PVT1: variants seen among roughly 807,000 people sequenced by gnomAD.
PVT1 encodes the protein CXCR4/PVT1 fusion.
intron 4 of PVT1, among the ~76,000 whole-genome samples, chr8:128,056,447 A>G (rs745911819): frequency 1.5e-4 from 23 of 152,240 alleles, no homozygotes; most frequent in Non-Finnish European, 3.2e-4. Flanking sequence ...GCGTGTATAC[A>G]TAAAATTGCA....
intron 3 of PVT1, among the ~76,000 whole-genome samples, chr8:127,957,834 G>T (rs536173917): frequency 4.1e-4 from 63 of 152,368 alleles, no homozygotes; most frequent in Admixed American, 1.1e-3. Flanking sequence ...ACAGGCATGC[G>T]CATGGCGGGG....
At chr8:128,025,224 G>A (rs528987467) in intron 4 of PVT1, among the ~76,000 whole-genome samples, 20 of 152,310 alleles carry the variant, frequency 1.3e-4, no homozygotes, top group African/African-American at 4.8e-4. Flanking sequence ...TCGGGGTACG[G>A]AAGCAGGATG....
chr8:127,845,981 C>T (rs1200036564), intron 2 of PVT1, among the ~76,000 whole-genome samples: 1 of 152,194 alleles, frequency 6.6e-6, no homozygotes, highest in Non-Finnish European at 1.5e-5. Context: ...TAGCGGGGTC[C>T]CAGGAAGGCT....
At chr8:127,805,452 A>G (rs555789705) in intron 2 of PVT1, among the ~76,000 whole-genome samples, 1 of 152,062 alleles carries the variant, frequency 6.6e-6, no homozygotes, top group South Asian at 2.1e-4. Context: ...GTGGTTCATG[A>G]GATTTGCACA....
At chr8:127,927,676 A>C (rs1816147269) in intron 3 of PVT1, among the ~76,000 whole-genome samples, 1 of 152,126 alleles carries the variant, frequency 6.6e-6, no homozygotes, top group Non-Finnish European at 1.5e-5. Flanking sequence ...GATTCTGGCC[A>C]TACCCCCTCC....
At chr8:128,076,157 A>G (rs547281991) in intron 5 of PVT1, among the ~76,000 whole-genome samples, 1 of 152,246 alleles carries the variant, frequency 6.6e-6, no homozygotes, top group South Asian at 2.1e-4. Flanking sequence ...TGCTCTGCCC[A>G]CAGCCAGCTG....
chr8:127,924,937 G>A (rs998430624), intron 3 of PVT1, among the ~76,000 whole-genome samples: 5 of 152,046 alleles, frequency 3.3e-5, no homozygotes, highest in South Asian at 2.1e-4. Flanking sequence ...CAGGAGCCAC[G>A]GTGCTCGGCC....
intron 2 of PVT1, among the ~76,000 whole-genome samples, chr8:127,858,444 A>G (rs1306726261): frequency 6.6e-6 from 1 of 151,466 alleles, no homozygotes; most frequent in African/African-American, 2.4e-5. Context: ...ATAAATAAAT[A>G]AATAAAAGAT....
chr8:127,804,399 G>A (rs1350967094), intron 2 of PVT1, among the ~76,000 whole-genome samples: 2 of 151,782 alleles, frequency 1.3e-5, no homozygotes, highest in African/African-American at 4.8e-5. Context: ...TTTAACTCCC[G>A]GCTTCAAGTG....
At chr8:128,079,843 G>C (rs1814151526) in intron 5 of PVT1, among the ~76,000 whole-genome samples, 1 of 152,022 alleles carries the variant, frequency 6.6e-6, no homozygotes. Context: ...TTCTGCCTCA[G>C]CCTCCCGAGT....
At chr8:127,805,145 G>T (rs1563609990) in intron 2 of PVT1, among the ~76,000 whole-genome samples, 1 of 151,534 alleles carries the variant, frequency 6.6e-6, no homozygotes, top group Non-Finnish European at 1.5e-5. Context: ...GGTCAGGCTG[G>T]TCTCGAACTC....
intron 2 of PVT1, among the ~76,000 whole-genome samples, chr8:127,853,086 T>C (rs1586407349): frequency 1.3e-5 from 2 of 152,228 alleles, no homozygotes; most frequent in African/African-American, 4.8e-5. Context: ...CAGCTGTGGG[T>C]GGAGCCTTGA....
At position 128,078,909 on chromosome 8, in the gene PVT1, C is replaced by T. The variant is rs143657750; in HGVS notation, n.1114+8548C>T. On this transcript the variant is annotated intron_variant and non_coding_transcript_variant, in intron 5 of 10. Coordinates refer to ENST00000651587, the Ensembl canonical transcript of PVT1. Reference sequence around the variant, plus strand: ...CAAGCAATTCTCCCACCTCAGCACCCCCCGAGTAGCTGGGACTATAGGCAC... The same window carrying T: ...CAAGCAATTCTCCCACCTCAGCACCTCCCGAGTAGCTGGGACTATAGGCAC... Among the ~76,000 whole-genome samples, 323 of 152,192 alleles carry T rather than the reference C, an allele frequency of 2.1e-3. 3 individuals carry two copies. The highest frequency in any genetic ancestry group is 7.4e-3 in the African/African-American group (308 of 41,528).
intron 3 of PVT1, among the ~76,000 whole-genome samples, chr8:127,976,505 C>T (rs112857684): frequency 0.015 from 2,358 of 152,260 alleles, 73 homozygotes; most frequent in African/African-American, 0.054. Flanking sequence ...GCTGAACCTC[C>T]CATCTCCACC....
chr8:127,997,041 T>C lies in PVT1; in HGVS notation n.912+7750T>C, dbSNP rs559835530. ...CTGGAACATTCACTGGTCATTTGCT[T>C]TCGTTTTTTTTTTTTGTTTGTTTGT... On this transcript the variant is annotated intron_variant and non_coding_transcript_variant, in intron 4 of 10. Transcript: ENST00000651587. Among the ~76,000 whole-genome samples, 3 of 95,048 alleles carry C rather than the reference T, an allele frequency of 3.2e-5. No homozygotes were observed. In the South Asian group the frequency reaches 1.5e-3, roughly 48 times the overall value. 62.4% of individuals were successfully genotyped at this position (95,048 alleles called of 152,430 possible).
chr8:128,049,280 G>A (rs368251612), intron 4 of PVT1: 15 of 494,180 alleles, frequency 3.0e-5, no homozygotes, highest in Non-Finnish European at 4.5e-5. Flanking sequence ...AGATGTTTGC[G>A]TCTTGGAGCC....
intron 3 of PVT1, among the ~76,000 whole-genome samples, chr8:127,986,213 G>T (rs1477958547): frequency 5.3e-5 from 8 of 152,196 alleles, no homozygotes; most frequent in African/African-American, 1.9e-4. Flanking sequence ...TGGCATGCTT[G>T]ATATTCTGCT....
intron 4 of PVT1, among the ~76,000 whole-genome samples, chr8:128,022,899 C>T (rs981221533): frequency 1.4e-4 from 21 of 149,188 alleles, no homozygotes; most frequent in Admixed American, 1.1e-3. Context: ...CAGAGTCCCG[C>T]TCTGTGGCCC....
At chr8:128,057,888 C>G (rs1267014724) in intron 4 of PVT1, among the ~76,000 whole-genome samples, 1 of 152,138 alleles carries the variant, frequency 6.6e-6, no homozygotes, top group African/African-American at 2.4e-5. Flanking sequence ...ATGGTGGTAT[C>G]ATTGGCCTAG....
Sources: allele counts gnomAD v4.1 joint callset (sites outside exome capture counted in the v4.1 genomes callset), GRCh38; gene constraint gnomAD v4.1.1; transcripts MANE v1.5; gene names NCBI Gene and HGNC (gene_info 2026-07-23, HGNC 2026-07-21).